Variants in CDK6 observed in about 807,000 individuals in gnomAD.
CDK6 encodes cyclin dependent kinase 6.
A neutral mutation model predicts 37.1 loss-of-function variants in CDK6; 6 were observed. The observed-to-expected ratio is 0.16, with a 90% CI of 0.09 to 0.32. The LOEUF is 0.32. CDK6 is among the 10% of genes least tolerant of loss of function. The pLI is 1.00. For synonymous variants in CDK6, 160 were observed against 161.3 expected, an observed-to-expected ratio of 0.99 and a Z score of 0.06; for missense variants, 224 against 418.9, an observed-to-expected ratio of 0.53 and a Z score of 4.06.
At chr7:92,733,731 C>T (rs553310504) in intron 3 of CDK6, among the ~76,000 whole-genome samples, 1 of 152,236 alleles carries the variant, frequency 6.6e-6, no homozygotes, top group South Asian at 2.1e-4. Context: ...GACTTTTGCT[C>T]TTTGTTTCTG....
intron 4 of CDK6, among the ~76,000 whole-genome samples, chr7:92,720,747 T>C (rs971834655): frequency 1.3e-5 from 2 of 152,158 alleles, no homozygotes; most frequent in Non-Finnish European, 2.9e-5. Flanking sequence ...TGGTCTCTTT[T>C]TCCCTTATCT....
intron 5 of CDK6, among the ~76,000 whole-genome samples, chr7:92,655,696 A>G (rs1796679459): frequency 6.6e-6 from 1 of 152,248 alleles, no homozygotes; most frequent in East Asian, 1.9e-4. Context: ...ACTCTGTGCC[A>G]GTGATAAGAG....
chr7:92,802,862 C>T (rs769509473), intron 2 of CDK6, among the ~76,000 whole-genome samples: 26 of 152,146 alleles, frequency 1.7e-4, no homozygotes, highest in Middle Eastern at 3.2e-3. Flanking sequence ...GCTTCCCTCA[C>T]CTCTACTCAC....
intron 4 of CDK6, among the ~76,000 whole-genome samples, chr7:92,678,676 T>A (rs1375721251): frequency 6.6e-6 from 1 of 152,194 alleles, no homozygotes; most frequent in Non-Finnish European, 1.5e-5. Context: ...ATCTGATTCA[T>A]CCTCATTATA....
chr7:92,622,684 G>A (rs1795830164), intron 6 of CDK6, among the ~76,000 whole-genome samples: 1 of 152,066 alleles, frequency 6.6e-6, no homozygotes, highest in African/African-American at 2.4e-5. Context: ...GGACAAGGAT[G>A]GGTACTTGGT....
At chr7:92,793,588 A>G (rs1584095331) in intron 2 of CDK6, among the ~76,000 whole-genome samples, 1 of 152,136 alleles carries the variant, frequency 6.6e-6, no homozygotes, top group East Asian at 1.9e-4. Context: ...CACAATATAC[A>G]CAGAAATTAA....
At chr7:92,647,428 G>C (rs1370742950) in intron 5 of CDK6, among the ~76,000 whole-genome samples, 7 of 152,210 alleles carry the variant, frequency 4.6e-5, no homozygotes, top group African/African-American at 1.7e-4. Context: ...GCAGCCAGGA[G>C]GTGAGTTGAG....
chr7:92,806,076 GTATGT>G (rs1800717090), intron 2 of CDK6, among the ~76,000 whole-genome samples: 1 of 151,990 alleles, frequency 6.6e-6, no homozygotes, highest in Admixed American at 6.6e-5. Flanking sequence ...ACTGTAAATT[GTATGT>G]TATGTTTATT....
intron 4 of CDK6, among the ~76,000 whole-genome samples, chr7:92,681,810 T>C (rs1797342228): frequency 1.3e-5 from 2 of 152,176 alleles, no homozygotes; most frequent in Admixed American, 1.3e-4. Flanking sequence ...ACAATCCTTG[T>C]GGAGCACTCC....
chr7:92,625,255 CACA>C, intron 5 of CDK6, among the ~76,000 whole-genome samples: 1 of 151,212 alleles, frequency 6.6e-6, no homozygotes, highest in African/African-American at 2.4e-5. Context: ...CACACACACA[CACA>C]CCTCTCTTAT....
chr7:92,671,959 G>A (rs962737604), intron 4 of CDK6, among the ~76,000 whole-genome samples: 4 of 151,288 alleles, frequency 2.6e-5, no homozygotes, highest in Non-Finnish European at 5.9e-5. Flanking sequence ...ACAGAGTGGT[G>A]TAATGGACTT....
intron 5 of CDK6, among the ~76,000 whole-genome samples, chr7:92,658,373 T>C (rs1244517891): frequency 6.6e-6 from 1 of 152,142 alleles, no homozygotes; most frequent in African/African-American, 2.4e-5. Flanking sequence ...TAAATGTCCA[T>C]CAAGAAGAAA....
intron 2 of CDK6, among the ~76,000 whole-genome samples, chr7:92,788,291 A>C (rs1800195158): frequency 6.6e-6 from 1 of 152,192 alleles, no homozygotes; most frequent in Non-Finnish European, 1.5e-5. Context: ...ATAATTTGTA[A>C]ATGTAACTGC....
intron 5 of CDK6, among the ~76,000 whole-genome samples, chr7:92,665,275 C>T (rs1384233060): frequency 7.0e-6 from 1 of 143,498 alleles, no homozygotes; most frequent in Admixed American, 8.2e-5. Context: ...AATCATCCAT[C>T]CATCCATCCA....
chr7:92,781,074 G>C (rs769921724), intron 2 of CDK6, among the ~76,000 whole-genome samples: 7 of 152,196 alleles, frequency 4.6e-5, no homozygotes, highest in Non-Finnish European at 1.0e-4. Context: ...TTAGAGCTTA[G>C]CATAATGTGA....
At chr7:92,638,931 G>C (rs1475046594) in intron 5 of CDK6, among the ~76,000 whole-genome samples, 2 of 152,136 alleles carry the variant, frequency 1.3e-5, no homozygotes, top group African/African-American at 4.8e-5. Flanking sequence ...AAAAAATGTA[G>C]ATCTTAGAAA....
chr7:92,787,728 G>GGTTA, intron 2 of CDK6, among the ~76,000 whole-genome samples: 1 of 151,974 alleles, frequency 6.6e-6, no homozygotes, highest in Non-Finnish European at 1.5e-5. Flanking sequence ...AAAGGTCAAA[G>GGTTA]TAACAGACTA....
intron 4 of CDK6, among the ~76,000 whole-genome samples, chr7:92,717,643 C>T (rs1798262538): frequency 6.6e-6 from 1 of 152,192 alleles, no homozygotes; most frequent in African/African-American, 2.4e-5. Context: ...AGTAAAACAT[C>T]CTCCAGGCAG....
At chr7:92,628,903 T>G (rs1562916102) in intron 5 of CDK6, among the ~76,000 whole-genome samples, 1 of 152,078 alleles carries the variant, frequency 6.6e-6, no homozygotes, top group Non-Finnish European at 1.5e-5. Context: ...AGTGCTTGCT[T>G]CAGCCAGGTA....
Sources: allele counts gnomAD v4.1 joint callset (sites outside exome capture counted in the v4.1 genomes callset), GRCh38; gene constraint gnomAD v4.1.1; transcripts MANE v1.5; gene names NCBI Gene and HGNC (gene_info 2026-07-23, HGNC 2026-07-21).